Variants in INTS2 observed in about 807,000 individuals in gnomAD.
The protein encoded by INTS2 is integrator complex subunit 2, also known as KIAA1287.
Under a neutral mutation model 139.6 loss-of-function variants are expected in INTS2, and 57 were observed. The ratio of observed to expected loss-of-function variants is 0.41; its 90% CI spans 0.33 to 0.51. The LOEUF (loss-of-function observed/expected upper bound fraction) is 0.51. Among genes scored for constraint, INTS2 ranks in the 20% least tolerant of loss-of-function variants. The pLI is 0.28. For synonymous variants in INTS2, 473 were observed against 493.4 expected (o/e 0.96, Z 0.55); for missense variants, 1,196 against 1,436.7 (o/e 0.83, Z 2.71).
At chr17:61,926,303 C>T (rs773560455) in intron 2 of INTS2, 49 bp downstream of exon 2, 2 of 1,413,146 alleles carry the variant, frequency 1.4e-6, no homozygotes, top group Non-Finnish European at 1.9e-6. Flanking sequence ...TATCTGATTC[C>T]CTGTTCTTTG....
rs1424675015 is a variant in INTS2, at chr17:61,871,141, G to C, written c.2778+1124C>G. Among the ~76,000 whole-genome samples the C allele has an allele frequency of 6.6e-6, 1 of 152,178 alleles. No individual in the cohort carries two copies. The highest frequency in any genetic ancestry group is 2.4e-5 in the African/African-American group (1 of 41,466). On this transcript the variant is annotated intron_variant, in intron 20 of 24. Transcript: ENST00000251334. This position sits in a 1 kb window ranked among gnomAD's most constrained non-coding sequence, Gnocchi z 4.9. ...TATTGATTTTTGTTGTTGTTGTTGA[G>C]ATGGAGTCTCGCTCTGTCGCCCAGG...
chr17:61,913,528 C>A lies in INTS2; in HGVS notation c.650-1458G>T, dbSNP rs192456955. The stretch of plus-strand genomic sequence containing the variant: ...CTTGCTTTCTTGCTTTGCCACCATA[C>A]TAGTCTCAAACTCCTGGCTTCAAAC... On this transcript the variant is annotated intron_variant, in intron 5 of 24. Transcript: ENST00000251334. Among the ~76,000 whole-genome samples the A allele has an allele frequency of 8.3e-4, 127 of 152,270 alleles. 1 individual carries two copies. The highest frequency in any genetic ancestry group is 2.8e-3 in the African/African-American group (117 of 41,558).
intron 15 of INTS2, among the ~76,000 whole-genome samples, chr17:61,889,380 A>T (rs11079458): frequency 0.54 from 81,657 of 152,098 alleles, 22,659 homozygotes; most frequent in East Asian, 0.8. Context: ...AGCCACCTCG[A>T]CTGGCCTTTT....
At chr17:61,885,156 GA>G (rs2079214705) in intron 15 of INTS2, 151 bp from the exon 16 acceptor site, 1 of 607,166 alleles carries the variant, frequency 1.6e-6, no homozygotes, top group Non-Finnish European at 2.9e-6. Flanking sequence ...GAATCATTAC[GA>G]AAACAAGTGG....
In INTS2 at chr17:61,909,819, GTGTA is replaced by G. The variant is rs1238683363; in HGVS notation, c.954+1697_954+1700del. Among the ~76,000 whole-genome samples the G allele has an allele frequency of 4.0e-3, 260 of 64,464 alleles. No homozygotes were observed. Among genetic ancestry groups the G allele is most frequent in the African/African-American group, 0.011 (179 of 16,754 alleles). The allele number at this position is 64,464 out of a possible 152,430, so 42.3% of individuals were successfully genotyped here. A position where few individuals can be genotyped will look rare whatever the true frequency, so the allele number is the denominator to read the frequency against. On this transcript the variant is annotated intron_variant, in intron 7 of 24. Coordinates refer to ENST00000251334, the MANE Select transcript of INTS2 (RefSeq NM_001351695.2). This position sits in a 1 kb window ranked among gnomAD's most constrained non-coding sequence, Gnocchi z 4.9. ...CATATATACGTGTGTGTGTACATGT[GTGTA>G]TGTGTGTGTGTGTGTGTGTGTGTGT...
intron 11 of INTS2, among the ~76,000 whole-genome samples, chr17:61,896,716 C>A (rs553255179): frequency 9.2e-5 from 14 of 151,996 alleles, no homozygotes; most frequent in Non-Finnish European, 1.8e-4. Context: ...CTAAGTGATA[C>A]CACTGTTCAT....
intron 9 of INTS2, among the ~76,000 whole-genome samples, chr17:61,904,123 C>T (rs888187507): frequency 5.9e-5 from 9 of 152,058 alleles, no homozygotes; most frequent in Non-Finnish European, 1.3e-4. Flanking sequence ...GAATCAGATG[C>T]TACTGATATC....
Position 61,871,994 on chromosome 17 carries a change from A to C in INTS2, c.2778+271T>G. 3.5e-6 allele frequency: 1 copy of C among 282,858 alleles called. No homozygotes were observed. Among genetic ancestry groups the C allele is most frequent in the Non-Finnish European group, 6.5e-6 (1 of 154,552 alleles). 17.5% of individuals were successfully genotyped at this position (282,858 alleles called of 1,614,324 possible). A position where few individuals can be genotyped will look rare whatever the true frequency, so the allele number is the denominator to read the frequency against. On this transcript the variant is annotated intron_variant, in intron 20 of 24. Transcript: ENST00000251334. The surrounding 1 kb of genome is among the most constrained non-coding windows in gnomAD (Gnocchi z 4.9). ...AATAAACATGTAACTCTAAACTCAG[A>C]ATAGGTAAACACTTAAATTTTATTA... is the stretch of plus-strand genomic sequence containing the variant.
At chr17:61,920,697 G>A (rs1045085973) in intron 4 of INTS2, among the ~76,000 whole-genome samples, 2 of 151,900 alleles carry the variant, frequency 1.3e-5, no homozygotes, top group African/African-American at 4.8e-5. Flanking sequence ...CAGCTACTCA[G>A]GAGGCTAAGG....
intron 4 of INTS2, chr17:61,921,472 T>C (rs1306891465): frequency 7.5e-6 from 2 of 265,746 alleles, no homozygotes; most frequent in Non-Finnish European, 1.4e-5. Context: ...GTAAACATTT[T>C]CCAAAATCAT....
Position 61,872,003 on chromosome 17 carries a change from A to G in INTS2, c.2778+262T>C, listed in dbSNP as rs995250359. 27 of 303,280 alleles carry G rather than the reference A, an allele frequency of 8.9e-5. No individual in the cohort carries two copies. Among genetic ancestry groups the G allele is most frequent in the African/African-American group, 5.6e-4 (26 of 46,596 alleles). The allele number at this position is 303,280 out of a possible 1,614,324, so 18.8% of individuals were successfully genotyped here. A position where few individuals can be genotyped will look rare whatever the true frequency, so the allele number is the denominator to read the frequency against. The stretch of plus-strand genomic sequence containing the variant: ...GTAACTCTAAACTCAGAATAGGTAA[A>G]CACTTAAATTTTATTAAAATATAAA... On this transcript the variant is annotated intron_variant, in intron 20 of 24. Transcript: ENST00000251334. This position sits in a 1 kb window ranked among gnomAD's most constrained non-coding sequence, Gnocchi z 4.8.
In INTS2 at chr17:61,926,630, T is replaced by C. The variant is rs1270858132; in HGVS notation, c.15A>G (p.Thr5=). 6.2e-7 allele frequency: 1 copy of C among 1,609,648 alleles called. No homozygotes were observed. Among genetic ancestry groups the C allele is most frequent in the African/African-American group, 1.3e-5 (1 of 74,854 alleles). Reference sequence around the variant, plus strand: ...CAAAAGGGCTGACAAACTGAAGACTTGTACATTCAGTCATTATTACTGTTT... The same window carrying C: ...CAAAAGGGCTGACAAACTGAAGACTCGTACATTCAGTCATTATTACTGTTT... MTEC[T]SLQFVSPFAF... is the part of the protein sequence containing the mutation. Residue 5 remains threonine (T), a synonymous_variant, in exon 2 of 25, where the codon ACA becomes ACG. Transcript: ENST00000251334.
Position 61,884,886 on chromosome 17 carries a change from CA to C in INTS2, c.2089+14del. 3 of 1,538,004 alleles carry C rather than the reference CA, an allele frequency of 2.0e-6. No homozygotes were observed. In the South Asian group the frequency reaches 3.5e-5, roughly 18 times the overall value. ...AACAATAAACTTTAGCAGTAAAAAG[CA>C]AAATAAAACATACCTCCCAACTCCT... On this transcript the variant is annotated intron_variant, in intron 16 of 24. Transcript: ENST00000251334.
rs2079041201 is a variant in INTS2 at position 61,865,896 on chromosome 17, C to T, written c.*1661G>A. ...ATTCTATCACATGTGATACTATGCA[C>T]TTCATGATTTGAAACAGCTACAAAC... On this transcript the variant is annotated 3_prime_UTR_variant, in exon 25 of 25. Transcript: ENST00000251334. This position sits in a 1 kb window ranked among gnomAD's most constrained non-coding sequence, Gnocchi z 4.8. 6.6e-6 allele frequency: 1 copy of T among 152,412 alleles called. No homozygotes were observed. The highest frequency in any genetic ancestry group is 2.4e-5 in the African/African-American group (1 of 41,430). The allele number at this position is 152,412 out of a possible 1,614,324, so 9.4% of individuals were successfully genotyped here.
rs2079326362 is a variant in INTS2, at chr17:61,894,403, T to C, written c.1564-504A>G. Among the ~76,000 whole-genome samples, 3 of 152,252 alleles carry C rather than the reference T, an allele frequency of 2.0e-5. No individual in the cohort carries two copies. The South Asian group carries it at 6.2e-4, about 31-fold the overall frequency. On this transcript the variant is annotated intron_variant, in intron 12 of 24. Coordinates refer to ENST00000251334, the MANE Select transcript of INTS2 (RefSeq NM_001351695.2). The stretch of plus-strand genomic sequence containing the variant: ...GTCTTTTAAAGACCCTCTTCAAAGT[T>C]GTCTTCCAATTGGTTCAAATTTAAA...
rs1044138645 is a variant in INTS2, at chr17:61,878,953, A to C, written c.2255-865T>G. ...CTCCAAAAAAAAAAAAAAAAAAAAA[A>C]ACACTTTACTGACCCGAAGACTAAT... On this transcript the variant is annotated intron_variant, in intron 17 of 24. Transcript: ENST00000251334. Among the ~76,000 whole-genome samples the C allele has an allele frequency of 9.6e-4, 140 of 146,094 alleles. 1 individual carries two copies. Among genetic ancestry groups the C allele is most frequent in the African/African-American group, 3.5e-3 (131 of 36,944 alleles).
At chr17:61,901,595 T>C (rs1243124498) in intron 9 of INTS2, among the ~76,000 whole-genome samples, 5 of 101,844 alleles carry the variant, frequency 4.9e-5, no homozygotes, top group African/African-American at 1.8e-4. Context: ...TTTTTTTTTT[T>C]TTTTTTTTTT....
At position 61,869,944 on chromosome 17, in the gene INTS2, A is replaced by G; in HGVS notation, c.2823T>C (p.Thr941=). The change falls in exon 21 of 25, where the codon ACT becomes ACC. Residue 941 remains threonine, a synonymous_variant. Coordinates refer to ENST00000251334, the MANE Select transcript of INTS2 (RefSeq NM_001351695.2). The surrounding 1 kb of genome is among the most constrained non-coding windows in gnomAD (Gnocchi z 5.4). ...VQILLEICLP[T]EEEKANGVNP... ...TGACACCATTTGCTTTCTCCTCTTC[A>G]GTAGGTAGGCAAATCTCTAAGAGAA... 6.2e-7 allele frequency: 1 copy of G among 1,613,688 alleles called. No individual in the cohort carries two copies. The highest frequency in any genetic ancestry group is 1.1e-5 in the South Asian group (1 of 91,074).
chr17:61,904,314 T>C, intron 9 of INTS2, 146 bp downstream of exon 9: 1 of 603,820 alleles, frequency 1.7e-6, no homozygotes, highest in Non-Finnish European at 2.8e-6. Context: ...ACCCCTTCTC[T>C]TAAAAATTGG....
Sources: gnomAD v4.1 joint callset for allele counts (sites outside exome capture counted in the v4.1 genomes callset) on GRCh38, gnomAD v4.1.1 for gene constraint, Gnocchi (gnomAD v3.1) non-coding constraint, MANE v1.5 for transcripts, NCBI Gene and HGNC (gene_info 2026-07-23, HGNC 2026-07-21) for gene names.